The following CHCHD6 variants were observed in gnomAD, a reference collection of about 807,000 sequenced individuals.
CHCHD6 encodes the protein coiled-coil-helix-coiled-coil-helix domain containing 6.
A neutral mutation model predicts 32.3 loss-of-function variants in CHCHD6; 28 were observed. That is an observed-to-expected ratio of 0.87 (90% CI 0.64 to 1.19). The LOEUF is 1.19. CHCHD6 is among the 50% of genes most tolerant of loss of function. The pLI is 0.00. For missense variants in CHCHD6, 333 were observed against 307.0 expected (o/e 1.08, Z -0.63); for synonymous variants, 122 against 117.5 (o/e 1.04, Z -0.25).
intron 4 of CHCHD6, among the ~76,000 whole-genome samples, chr3:126,822,348 A>G (rs912149412): frequency 6.6e-6 from 1 of 152,138 alleles, no homozygotes; most frequent in African/African-American, 2.4e-5. Context: ...TGGAATTGGC[A>G]CCTTTGTTGA....
At chr3:126,822,230 G>C (rs1328773434) in intron 4 of CHCHD6, among the ~76,000 whole-genome samples, 2 of 151,952 alleles carry the variant, frequency 1.3e-5, no homozygotes, top group Non-Finnish European at 2.9e-5. Context: ...TTTTGAGTTA[G>C]TTTTTGTATA....
intron 5 of CHCHD6, among the ~76,000 whole-genome samples, chr3:126,871,097 A>G (rs1331777731): frequency 6.6e-6 from 1 of 151,930 alleles, no homozygotes; most frequent in Non-Finnish European, 1.5e-5. Context: ...ATACGTTCCA[A>G]TTCCCTCATA....
chr3:126,935,439 T>C (rs2078465825), intron 6 of CHCHD6, among the ~76,000 whole-genome samples: 1 of 152,188 alleles, frequency 6.6e-6, no homozygotes, highest in Non-Finnish European at 1.5e-5. Context: ...CCAGGTTAAG[T>C]CCCAGGCTGA....
chr3:126,735,279 G>A (rs1366991184), intron 4 of CHCHD6, among the ~76,000 whole-genome samples: 1 of 152,166 alleles, frequency 6.6e-6, no homozygotes, highest in Non-Finnish European at 1.5e-5. Flanking sequence ...CTCCTGCAAA[G>A]GAGATTGAGC....
chr3:126,912,874 A>C (rs987269788), intron 5 of CHCHD6, among the ~76,000 whole-genome samples: 3 of 152,150 alleles, frequency 2.0e-5, no homozygotes, highest in Non-Finnish European at 4.4e-5. Flanking sequence ...CTATGGCCTT[A>C]GAGGTGGGGG....
chr3:126,833,138 T>G (rs1400538918), intron 4 of CHCHD6, among the ~76,000 whole-genome samples: 2 of 152,200 alleles, frequency 1.3e-5, no homozygotes, highest in Non-Finnish European at 2.9e-5. Context: ...CACACACATG[T>G]ACATGCACAT....
chr3:126,723,844 T>G (rs1373461614), intron 1 of CHCHD6, among the ~76,000 whole-genome samples: 1 of 152,216 alleles, frequency 6.6e-6, no homozygotes, highest in African/African-American at 2.4e-5. Flanking sequence ...ATGTCTTTTG[T>G]CTTACAGTAA....
At chr3:126,836,072 AAAAT>A (rs1940848816) in intron 4 of CHCHD6, among the ~76,000 whole-genome samples, 1 of 152,174 alleles carries the variant, frequency 6.6e-6, no homozygotes, top group African/African-American at 2.4e-5. Context: ...CTGCATTTAA[AAAAT>A]AAATAAATAG....
chr3:126,906,332 C>T (rs1306357398), intron 5 of CHCHD6, among the ~76,000 whole-genome samples: 5 of 152,218 alleles, frequency 3.3e-5, no homozygotes, highest in African/African-American at 1.2e-4. Context: ...TCTTCCCAGT[C>T]GACACCATTA....
chr3:126,731,191 A>AGG (rs1226930963), intron 3 of CHCHD6, among the ~76,000 whole-genome samples: 2 of 151,564 alleles, frequency 1.3e-5, no homozygotes, highest in South Asian at 4.2e-4. Context: ...GTGCACATGC[A>AGG]GGCATGTTTT....
intron 4 of CHCHD6, among the ~76,000 whole-genome samples, chr3:126,827,906 C>G (rs923858411): frequency 6.6e-6 from 1 of 152,114 alleles, no homozygotes; most frequent in Non-Finnish European, 1.5e-5. Flanking sequence ...AATTCTTGCT[C>G]CCTTCTCATG....
intron 5 of CHCHD6, among the ~76,000 whole-genome samples, chr3:126,857,436 C>A (rs1232764093): frequency 1.3e-5 from 2 of 152,198 alleles, no homozygotes; most frequent in African/African-American, 4.8e-5. Context: ...TGCTTCCCTG[C>A]ACTGCCTCTG....
chr3:126,751,338 C>T (rs1229570907), intron 4 of CHCHD6, among the ~76,000 whole-genome samples: 1 of 151,794 alleles, frequency 6.6e-6, no homozygotes, highest in African/African-American at 2.4e-5. Context: ...CCTGTCTCTA[C>T]AAAAAATACA....
chr3:126,957,076 T>C, intron 6 of CHCHD6: 1 of 379,806 alleles, frequency 2.6e-6, no homozygotes, highest in South Asian at 2.9e-5. Context: ...GGAGGCGGGC[T>C]GCACCATCCT....
Position 126,731,389 on chromosome 3 carries a change from G to A in CHCHD6, c.266+759G>A, listed in dbSNP as rs142070616. 7.7e-3 allele frequency among the ~76,000 whole-genome samples: 1,176 copies of A among 152,306 alleles called. 12 individuals carry two copies. Among genetic ancestry groups the A allele is most frequent in the Non-Finnish European group, 0.011 (752 of 68,034 alleles). ...GTGGTTAAGGCACAGAGGCCCCAGT[G>A]GAGCACAGGGTGGCATCTTGATCCT... On this transcript the variant is annotated intron_variant, in intron 3 of 7. Transcript: ENST00000290913.
At chr3:126,792,256 T>TCTAATATAGAATATATAC (rs1559846667) in intron 4 of CHCHD6, among the ~76,000 whole-genome samples, 7 of 141,534 alleles carry the variant, frequency 4.9e-5, no homozygotes, top group Admixed American at 4.4e-4. Flanking sequence ...AGAATATATA[T>TCTAATATAGAATATATAC]TCTAATATAG....
chr3:126,805,739 G>A (rs994226309), intron 4 of CHCHD6, among the ~76,000 whole-genome samples: 46 of 152,222 alleles, frequency 3.0e-4, no homozygotes, highest in Admixed American at 8.5e-4. Flanking sequence ...AGCCCGCATC[G>A]CCAAGTCGAT....
intron 5 of CHCHD6, among the ~76,000 whole-genome samples, chr3:126,891,551 T>C (rs1359935368): frequency 6.6e-6 from 1 of 152,124 alleles, no homozygotes; most frequent in Non-Finnish European, 1.5e-5. Context: ...GAAGCAGATA[T>C]GACTTTGCAC....
At chr3:126,772,202 C>T (rs1016098735) in intron 4 of CHCHD6, among the ~76,000 whole-genome samples, 25 of 152,140 alleles carry the variant, frequency 1.6e-4, no homozygotes, top group South Asian at 6.2e-4. Context: ...CCTGGGTTCA[C>T]GCCATTCTCC....
Sources: allele counts gnomAD v4.1 joint callset (sites outside exome capture counted in the v4.1 genomes callset), GRCh38; gene constraint gnomAD v4.1.1; transcripts MANE v1.5; gene names NCBI Gene and HGNC (gene_info 2026-07-23, HGNC 2026-07-21).